The following SPECC1 variants were observed in gnomAD, a reference collection of about 807,000 sequenced individuals.
SPECC1 encodes sperm antigen with calponin homology and coiled-coil domains 1, also known as cytospin-B.
Under a neutral mutation model 104.1 loss-of-function variants are expected in SPECC1, and 62 were observed. The observed-to-expected ratio is 0.60, with a 90% CI of 0.49 to 0.74. The LOEUF (loss-of-function observed/expected upper bound fraction) is 0.74. Ranked by LOEUF, SPECC1 falls within the 30% of genes least tolerant of loss-of-function variation. The pLI is 0.00. For missense variants in SPECC1, 1,306 were observed against 1,310.5 expected, an observed-to-expected ratio of 1.00 and a Z score of 0.05; for synonymous variants, 513 against 501.6, an observed-to-expected ratio of 1.02 and a Z score of -0.30.
In SPECC1 at chr17:20,156,119, C is replaced by G. The variant is rs867163729; in HGVS notation, c.283+45557C>G. 7.2e-5 allele frequency: 99 copies of G among 1,374,910 alleles called. 1 individual carries two copies. In the Middle Eastern group the frequency reaches 2.7e-3, roughly 37 times the overall value. The allele number at this position is 1,374,910 out of a possible 1,614,324, so 85.2% of individuals were successfully genotyped here. On this transcript the variant is annotated intron_variant, in intron 3 of 14. Coordinates refer to ENST00000395527, the MANE Select transcript of SPECC1 (RefSeq NM_001243439.2). ...CCGCCGGACGCAACCGCCTCGCCAG[C>G]CGGAGCCAGCGCGAGCTCGGCACGG...
At chr17:20,187,771 C>T (rs1000057741) in intron 3 of SPECC1, among the ~76,000 whole-genome samples, 2 of 152,106 alleles carry the variant, frequency 1.3e-5, no homozygotes, top group Non-Finnish European at 2.9e-5. Context: ...TTCAGAGGGA[C>T]CTTGGTAAAT....
At chr17:20,279,409 G>GC (rs568058982) in intron 12 of SPECC1, among the ~76,000 whole-genome samples, 56 of 145,904 alleles carry the variant, frequency 3.8e-4, no homozygotes, top group African/African-American at 1.4e-3. Flanking sequence ...TGCAACCTCT[G>GC]CCCCCTGGGT....
chr17:20,171,130 G>A (rs2034057789), intron 3 of SPECC1, among the ~76,000 whole-genome samples: 2 of 152,182 alleles, frequency 1.3e-5, no homozygotes, highest in Non-Finnish European at 2.9e-5. Flanking sequence ...TCAGTCGTAT[G>A]TTATAGTATG....
At chr17:20,198,273 G>T (rs1047928917) in intron 3 of SPECC1, among the ~76,000 whole-genome samples, 5 of 152,188 alleles carry the variant, frequency 3.3e-5, no homozygotes, top group Non-Finnish European at 7.3e-5. Flanking sequence ...TCTGGGCAAG[G>T]TGGTTGCCCT....
At chr17:20,299,167 G>A (rs558005327) in intron 13 of SPECC1, among the ~76,000 whole-genome samples, 21 of 151,892 alleles carry the variant, frequency 1.4e-4, no homozygotes, top group Non-Finnish European at 2.2e-4. Flanking sequence ...CTTCAGTGAG[G>A]TTAGCCTTTT....
At chr17:20,142,092 T>C (rs2030882993) in intron 3 of SPECC1, among the ~76,000 whole-genome samples, 1 of 152,238 alleles carries the variant, frequency 6.6e-6, no homozygotes, top group Non-Finnish European at 1.5e-5. Flanking sequence ...AATGAAGGAA[T>C]CTGAGCCCTG....
chr17:20,127,933 C>T (rs547758550), intron 3 of SPECC1, among the ~76,000 whole-genome samples: 2 of 152,126 alleles, frequency 1.3e-5, no homozygotes, highest in East Asian at 3.9e-4. Context: ...CTTAGTAGTC[C>T]AGTTACCCTT....
chr17:20,143,285 C>G (rs1168986115), intron 3 of SPECC1, among the ~76,000 whole-genome samples: 2 of 150,950 alleles, frequency 1.3e-5, no homozygotes, highest in South Asian at 4.2e-4. Context: ...ACTCAGGAGG[C>G]TGAGGCAGGA....
At chr17:20,070,826 GT>G (rs989292083) in intron 1 of SPECC1, among the ~76,000 whole-genome samples, 12 of 119,108 alleles carry the variant, frequency 1.0e-4, no homozygotes, top group East Asian at 5.0e-4. Context: ...TTATAGTGGG[GT>G]TTTTTTTTCA....
At chr17:20,250,081 A>G (rs1056450730) in intron 9 of SPECC1, among the ~76,000 whole-genome samples, 6 of 152,222 alleles carry the variant, frequency 3.9e-5, no homozygotes, top group African/African-American at 1.2e-4. Context: ...CCAAGGAGGA[A>G]GAGCAAAACT....
chr17:20,247,676 A>G (rs947359900), intron 9 of SPECC1, among the ~76,000 whole-genome samples: 1 of 152,220 alleles, frequency 6.6e-6, no homozygotes, highest in East Asian at 1.9e-4. Context: ...ATTACATAAT[A>G]TGTGGTGATT....
intron 7 of SPECC1, chr17:20,238,951 G>C (rs915131358): frequency 9.6e-7 from 1 of 1,037,534 alleles, no homozygotes; most frequent in Non-Finnish European, 1.2e-6. Flanking sequence ...ATGTCGTTTT[G>C]TTCTACATTT....
intron 1 of SPECC1, among the ~76,000 whole-genome samples, chr17:20,054,684 G>C (rs534486087): frequency 7.3e-5 from 11 of 151,658 alleles, no homozygotes; most frequent in African/African-American, 1.5e-4. Context: ...CTTTTTTTGG[G>C]GGGGGTGGTG....
At chr17:20,262,882 G>T (rs2040077104) in intron 12 of SPECC1, among the ~76,000 whole-genome samples, 1 of 152,048 alleles carries the variant, frequency 6.6e-6, no homozygotes, top group Non-Finnish European at 1.5e-5. Flanking sequence ...TGTTAAAAAA[G>T]AAAAAGAATC....
At chr17:20,284,144 C>G (rs1035679335) in intron 12 of SPECC1, among the ~76,000 whole-genome samples, 1 of 152,154 alleles carries the variant, frequency 6.6e-6, no homozygotes, top group East Asian at 1.9e-4. Flanking sequence ...AGGAAACAAG[C>G]GATGCGAGAC....
chr17:20,258,112 G>A (rs1216536933), intron 11 of SPECC1, among the ~76,000 whole-genome samples: 2 of 152,188 alleles, frequency 1.3e-5, no homozygotes, highest in Non-Finnish European at 2.9e-5. Flanking sequence ...TAAGGAAGAG[G>A]TTTGTGCATT....
intron 3 of SPECC1, among the ~76,000 whole-genome samples, chr17:20,139,915 C>T (rs2030555977): frequency 2.0e-5 from 3 of 152,078 alleles, no homozygotes; most frequent in South Asian, 4.1e-4. Flanking sequence ...ACGTTGTGAT[C>T]CGCCTGTCTC....
chr17:20,009,955 G>C lies in SPECC1; in HGVS notation c.-22+531G>C, dbSNP rs1302259371. The C allele has an allele frequency of 6.6e-6, 1 of 152,342 alleles. No individual in the cohort carries two copies. Among genetic ancestry groups the C allele is most frequent in the Non-Finnish European group, 1.5e-5 (1 of 68,200 alleles). 9.4% of individuals were successfully genotyped at this position (152,342 alleles called of 1,614,324 possible). A position where few individuals can be genotyped will look rare whatever the true frequency, so the allele number is the denominator to read the frequency against. ...GCCGCGCTCCCGCCCCTTCCTGGCC[G>C]GGGTGACAGGGGAAGGGCTAGGGCT... On this transcript the variant is annotated intron_variant, in intron 1 of 14. Coordinates refer to ENST00000395527, the MANE Select transcript of SPECC1 (RefSeq NM_001243439.2). The surrounding 1 kb of genome is among the most constrained non-coding windows in gnomAD (Gnocchi z 5.2).
chr17:20,308,381 C>A (rs1398029163), intron 14 of SPECC1, among the ~76,000 whole-genome samples: 1 of 78,466 alleles, frequency 1.3e-5, no homozygotes. Flanking sequence ...AAGAGCGAAA[C>A]TCCATCTCAA....
Sources: allele counts gnomAD v4.1 joint callset (sites outside exome capture counted in the v4.1 genomes callset), GRCh38; gene constraint gnomAD v4.1.1; non-coding constraint Gnocchi (gnomAD v3.1); transcripts MANE v1.5; gene names NCBI Gene and HGNC (gene_info 2026-07-23, HGNC 2026-07-21).